TRPM3: variants seen among roughly 807,000 people sequenced by gnomAD.
TRPM3 encodes long transient receptor potential channel 3.
TRPM3 carries 77 observed loss-of-function variants against 181.2 expected under a neutral mutation model. The ratio of observed to expected loss-of-function variants is 0.42; its 90% CI spans 0.35 to 0.51. The LOEUF is 0.51. TRPM3 is among the 20% of genes least tolerant of loss of function. The pLI is 0.01. For synonymous variants in TRPM3, 745 were observed against 796.4 expected, an observed-to-expected ratio of 0.94 and a Z score of 1.09; for missense variants, 1,759 against 2,196.7, an observed-to-expected ratio of 0.80 and a Z score of 3.98.
intron 1 of TRPM3, among the ~76,000 whole-genome samples, chr9:71,216,516 G>T (rs558735141): frequency 1.3e-5 from 2 of 152,138 alleles, no homozygotes; most frequent in Middle Eastern, 3.2e-3. Flanking sequence ...GTGTTTACAT[G>T]CCAGTACATA....
At chr9:71,132,505 T>G (rs1565258818) in intron 1 of TRPM3, among the ~76,000 whole-genome samples, 2 of 152,172 alleles carry the variant, frequency 1.3e-5, no homozygotes, top group Admixed American at 6.6e-5. Context: ...AAGGAACATT[T>G]TCAGGGTGAT....
intron 3 of TRPM3, among the ~76,000 whole-genome samples, chr9:70,859,448 T>G (rs561133210): frequency 2.0e-5 from 3 of 152,308 alleles, no homozygotes; most frequent in Admixed American, 6.5e-5. Flanking sequence ...AGGGCTGCAG[T>G]AGGTTACTCT....
rs1321658008 is a variant in TRPM3 at position 70,640,546 on chromosome 9, G to C, written c.1446+14C>G. ...CCAAAGTGGGCTTTTCATGGGAGAC[G>C]ATATATACTCTACCGGCCACTGTTG... On this transcript the variant is annotated intron_variant, in intron 10 of 25. Transcript: ENST00000677713. 1 of 1,608,398 alleles carries C rather than the reference G, an allele frequency of 6.2e-7. No individual in the cohort carries two copies. The highest frequency in any genetic ancestry group is 1.1e-5 in the South Asian group (1 of 90,268).
chr9:70,695,496 G>T (rs1203416301), intron 8 of TRPM3, among the ~76,000 whole-genome samples: 1 of 152,128 alleles, frequency 6.6e-6, no homozygotes, highest in Non-Finnish European at 1.5e-5. Context: ...CTGCTGGTCT[G>T]TCTTGTCCCT....
At chr9:70,984,330 A>T (rs559193063) in intron 1 of TRPM3, among the ~76,000 whole-genome samples, 1 of 152,182 alleles carries the variant, frequency 6.6e-6, no homozygotes. Flanking sequence ...AATTAACAGA[A>T]GTTCTATAAT....
At chr9:71,339,948 A>G (rs1044304409) in intron 1 of TRPM3, among the ~76,000 whole-genome samples, 5 of 152,164 alleles carry the variant, frequency 3.3e-5, no homozygotes, top group Admixed American at 1.3e-4. Flanking sequence ...TATCTGTATT[A>G]TAAATAAATC....
chr9:71,037,112 A>G (rs2058297472), intron 1 of TRPM3, among the ~76,000 whole-genome samples: 1 of 152,224 alleles, frequency 6.6e-6, no homozygotes, highest in Admixed American at 6.5e-5. Context: ...TGTGTGTACT[A>G]TGTTATATAA....
intron 6 of TRPM3, among the ~76,000 whole-genome samples, chr9:70,814,943 C>T (rs908654848): frequency 6.7e-6 from 1 of 149,448 alleles, no homozygotes; most frequent in African/African-American, 2.5e-5. Flanking sequence ...GTTATAAAAG[C>T]AATATTTTCT....
At chr9:71,103,993 C>A (rs183422551) in intron 1 of TRPM3, among the ~76,000 whole-genome samples, 105 of 151,990 alleles carry the variant, frequency 6.9e-4, no homozygotes, top group African/African-American at 2.3e-3. Context: ...CGGCTAACTG[C>A]AACGTCCACC....
At chr9:70,603,005 G>C (rs1469634576) in intron 20 of TRPM3, among the ~76,000 whole-genome samples, 1 of 152,190 alleles carries the variant, frequency 6.6e-6, no homozygotes, top group Non-Finnish European at 1.5e-5. Flanking sequence ...AAGACACCCA[G>C]AATAAGGGGG....
intron 1 of TRPM3, among the ~76,000 whole-genome samples, chr9:71,235,733 G>T (rs1202877205): frequency 6.6e-6 from 1 of 152,118 alleles, no homozygotes; most frequent in Non-Finnish European, 1.5e-5. Flanking sequence ...TATTACATCT[G>T]CAATACTGCA....
At chr9:70,984,640 A>G (rs1312110649) in intron 1 of TRPM3, among the ~76,000 whole-genome samples, 1 of 152,232 alleles carries the variant, frequency 6.6e-6, no homozygotes, top group East Asian at 1.9e-4. Flanking sequence ...TGATGTAACA[A>G]CAGAAGCAGA....
At chr9:70,695,006 T>C (rs1296563676) in intron 8 of TRPM3, among the ~76,000 whole-genome samples, 2 of 152,222 alleles carry the variant, frequency 1.3e-5, no homozygotes, top group Non-Finnish European at 2.9e-5. Flanking sequence ...ATTCCTAGGC[T>C]GATAATATCC....
intron 9 of TRPM3, among the ~76,000 whole-genome samples, chr9:70,662,029 A>G: frequency 6.6e-6 from 1 of 152,190 alleles, no homozygotes; most frequent in East Asian, 1.9e-4. Flanking sequence ...TTATACTACA[A>G]GGTTACAGTT....
At chr9:71,049,801 T>C (rs1285519405) in intron 1 of TRPM3, among the ~76,000 whole-genome samples, 1 of 152,138 alleles carries the variant, frequency 6.6e-6, no homozygotes, top group Non-Finnish European at 1.5e-5. Flanking sequence ...TAGATTAAAA[T>C]CCCATTTCCT....
intron 1 of TRPM3, among the ~76,000 whole-genome samples, chr9:71,263,463 T>C (rs1359054621): frequency 6.6e-6 from 1 of 152,210 alleles, no homozygotes; most frequent in African/African-American, 2.4e-5. Flanking sequence ...TACAACAGTA[T>C]CTTTCATCTT....
At chr9:71,421,001 G>GAGAGAGAAAAAGAGAAAA (rs1563912691) in intron 1 of TRPM3, among the ~76,000 whole-genome samples, 1 of 123,022 alleles carries the variant, frequency 8.1e-6, no homozygotes, top group African/African-American at 3.0e-5. Flanking sequence ...GAGAGAAAAA[G>GAGAGAGAAAAAGAGAAAA]AGAGAAAAAG....
At chr9:70,867,573 G>C (rs1264268567) in intron 1 of TRPM3, among the ~76,000 whole-genome samples, 1 of 152,032 alleles carries the variant, frequency 6.6e-6, no homozygotes, top group East Asian at 1.9e-4. Context: ...CATCTCCCTT[G>C]CAAAGTCACA....
intron 1 of TRPM3, among the ~76,000 whole-genome samples, chr9:71,071,626 T>G (rs1189837712): frequency 2.0e-5 from 3 of 152,208 alleles, no homozygotes; most frequent in Admixed American, 1.3e-4. Flanking sequence ...ACCAAATTAG[T>G]GCATTCTAGC....
Sources: allele counts gnomAD v4.1 joint callset (sites outside exome capture counted in the v4.1 genomes callset), GRCh38; gene constraint gnomAD v4.1.1; transcripts MANE v1.5; gene names NCBI Gene and HGNC (gene_info 2026-07-23, HGNC 2026-07-21).